Variants in ALB observed in about 807,000 individuals in gnomAD.
ALB encodes serum albumin.
A neutral mutation model predicts 74.5 loss-of-function variants in ALB; 37 were observed. The observed-to-expected ratio is 0.50, with a 90% CI of 0.38 to 0.65. The LOEUF (loss-of-function observed/expected upper bound fraction) is 0.65. Among genes scored for constraint, ALB ranks in the 30% least tolerant of loss-of-function variants. The pLI is 0.00. For synonymous variants in ALB, 249 were observed against 251.6 expected (o/e 0.99, Z 0.10); for missense variants, 685 against 718.7 (o/e 0.95, Z 0.54).
intron 2 of ALB, among the ~76,000 whole-genome samples, chr4:73,405,811 A>G (rs577908008): frequency 1.3e-5 from 2 of 151,982 alleles, no homozygotes; most frequent in Admixed American, 6.6e-5. Flanking sequence ...GATGGTCTCA[A>G]TCTCCTGACA....
In ALB at chr4:73,410,334, G is replaced by A. The variant is rs1223282480; in HGVS notation, c.638G>A (p.Gly213Glu). 3.7e-6 allele frequency: 6 copies of A among 1,613,620 alleles called. No homozygotes were observed. Among genetic ancestry groups the A allele is most frequent in the South Asian group, 2.2e-5 (2 of 91,056 alleles). The change falls in exon 6 of 15, where the codon GGG becomes GAG. Residue 213 changes from glycine (G) to glutamate (E), a missense_variant. Gly to Glu is a moderately conservative substitution (Grantham distance 98). Coordinates refer to ENST00000295897, the MANE Select transcript of ALB (RefSeq NM_000477.7). Reference protein sequence around the residue: ...LPKLDELRDEGKASSAKQRLK... With the variant: ...LPKLDELRDEEKASSAKQRLK... The stretch of plus-strand genomic sequence containing the variant: ...TAGCTCGATGAACTTCGGGATGAAG[G>A]GAAGGCTTCGTCTGCCAAACAGAGA...
intron 12 of ALB, 94 bp downstream of exon 12, chr4:73,418,405 T>G: frequency 9.1e-7 from 1 of 1,100,240 alleles, no homozygotes; most frequent in Non-Finnish European, 1.3e-6. Context: ...AGTGATTATA[T>G]TTCTTAGAGG....
intron 3 of ALB, among the ~76,000 whole-genome samples, chr4:73,407,794 A>G (rs1718769629): frequency 6.6e-6 from 1 of 152,204 alleles, no homozygotes; most frequent in African/African-American, 2.4e-5. Flanking sequence ...TCTTCAAAAC[A>G]AGGACAGGTT....
intron 7 of ALB, among the ~76,000 whole-genome samples, chr4:73,412,400 A>G (rs1022137069): frequency 6.6e-6 from 1 of 152,200 alleles, no homozygotes; most frequent in Non-Finnish European, 1.5e-5. Flanking sequence ...AACAGTTACA[A>G]GGTTTTACTT....
rs1383190524 is a variant in ALB, at chr4:73,419,565, G to A, written c.1711G>A (p.Val571Ile). ...PKATKEQLKA[V>I]MDDFAAFVEK... ...GGCAACAAAAGAGCAACTGAAAGCT[G>A]TTATGGATGATTTCGCAGCTTTTGT... Residue 571 changes from valine (V) to isoleucine (I), a missense_variant, in exon 13 of 15, where the codon GTT (valine) becomes ATT (isoleucine). Physicochemically the swap from Val to Ile is conservative, Grantham distance 29. Transcript: ENST00000295897. 6.2e-7 allele frequency: 1 copy of A among 1,613,694 alleles called. No homozygotes were observed. The highest frequency in any genetic ancestry group is 1.3e-5 in the African/African-American group (1 of 74,838).
At chr4:73,406,892 T>C (rs1718744164) in intron 3 of ALB, 131 bp downstream of exon 3, 2 of 1,029,982 alleles carry the variant, frequency 1.9e-6, no homozygotes. Context: ...AAAAAGTTGC[T>C]CATAGACTGA....
In ALB at chr4:73,409,515, A is replaced by G. The variant is rs765831928; in HGVS notation, c.615+28A>G. 4 of 1,613,542 alleles carry G rather than the reference A, an allele frequency of 2.5e-6. No homozygotes were observed. In the African/African-American group the frequency reaches 4.0e-5, roughly 16 times the overall value. On this transcript the variant is annotated intron_variant, in intron 5 of 14. Coordinates refer to ENST00000295897, the MANE Select transcript of ALB (RefSeq NM_000477.7). ...ATTATGCAAAAGAATAGAAAAAAAG[A>G]GTTCATTATCCAACCTGATTTTGTC...
At position 73,417,987 on chromosome 4, in the gene ALB, T is replaced by C. The variant is rs955968759; in HGVS notation, c.1429-101T>C. The C allele has an allele frequency of 4.6e-5, 51 of 1,105,088 alleles. No individual in the cohort carries two copies. The South Asian group carries it at 6.3e-4, about 14-fold the overall frequency. The allele number at this position is 1,105,088 out of a possible 1,614,324, so 68.5% of individuals were successfully genotyped here. ...CCTCAGCCTCCCAAGTAGCTGGGACTACAGGTGCATGCCACCATGCCTGGC... is the reference window on the plus strand; with the variant it reads ...CCTCAGCCTCCCAAGTAGCTGGGACCACAGGTGCATGCCACCATGCCTGGC... On this transcript the variant is annotated intron_variant, in intron 11 of 14. Transcript: ENST00000295897.
At position 73,404,475 on chromosome 4, in the gene ALB, C is replaced by T. The variant is rs1005433164; in HGVS notation, c.79+69C>T. 1.6e-5 allele frequency: 21 copies of T among 1,288,350 alleles called. No homozygotes were observed. In the African/African-American group the frequency reaches 2.9e-4, roughly 18 times the overall value. The allele number at this position is 1,288,350 out of a possible 1,614,324, so 79.8% of individuals were successfully genotyped here. On this transcript the variant is annotated intron_variant, in intron 1 of 14. Coordinates refer to ENST00000295897, the MANE Select transcript of ALB (RefSeq NM_000477.7). The stretch of plus-strand genomic sequence containing the variant: ...CCCAGTAAAATAAAGTTTTAGTAAA[C>T]TCTGCATCTTTAAAGAATTATTTTG...
At chr4:73,419,366 G>A in intron 12 of ALB, 141 bp from the exon 13 acceptor site, 1 of 853,318 alleles carries the variant, frequency 1.2e-6, no homozygotes, top group Admixed American at 2.7e-5. Context: ...CGGTATGCCT[G>A]AGCCCCAAAG....
chr4:73,412,440 A>C (rs953405857), intron 7 of ALB, among the ~76,000 whole-genome samples: 21 of 152,036 alleles, frequency 1.4e-4, no homozygotes, highest in African/African-American at 5.1e-4. Flanking sequence ...TAGATGTCTA[A>C]GAAGATTTTT....
Position 73,404,341 on chromosome 4 carries a change from C to T in ALB, c.14C>T (p.Thr5Ile), listed in dbSNP as rs1022250698. The change falls in exon 1 of 15, where the codon ACC becomes ATC. Residue 5 changes from threonine (T) to isoleucine (I), a missense_variant. Coordinates refer to ENST00000295897, the MANE Select transcript of ALB (RefSeq NM_000477.7). MKWV[T>I]FISLLFLFSS... The stretch of plus-strand genomic sequence containing the variant: ...GCCTTTGGCACAATGAAGTGGGTAA[C>T]CTTTATTTCCCTTCTTTTTCTCTTT... 1.2e-6 allele frequency: 2 copies of T among 1,613,632 alleles called. No homozygotes were observed. Among genetic ancestry groups the T allele is most frequent in the Non-Finnish European group, 1.7e-6 (2 of 1,179,692 alleles).
intron 10 of ALB, among the ~76,000 whole-genome samples, chr4:73,417,083 A>T (rs1577941094): frequency 6.6e-6 from 1 of 152,220 alleles, no homozygotes; most frequent in South Asian, 2.1e-4. Flanking sequence ...TTCTTAATAC[A>T]TGATTATTAT....
intron 3 of ALB, 101 bp downstream of exon 3, chr4:73,406,862 C>G: frequency 1.4e-6 from 2 of 1,397,014 alleles, no homozygotes; most frequent in Non-Finnish European, 2.0e-6. Flanking sequence ...TATTAAGTGT[C>G]CTGATTTGTA....
intron 4 of ALB, 165 bp from the exon 5 acceptor site, chr4:73,409,190 A>C: frequency 2.7e-6 from 2 of 753,822 alleles, no homozygotes; most frequent in Non-Finnish European, 4.3e-6. Context: ...TTTTTTCCAC[A>C]TACTTAAAGA....
intron 12 of ALB, chr4:73,419,306 A>G (rs1560385180): frequency 1.7e-6 from 1 of 593,312 alleles, no homozygotes; most frequent in Non-Finnish European, 2.9e-6. Flanking sequence ...ACTCCATGAA[A>G]GTGGATTTTA....
Position 73,417,781 on chromosome 4 carries a change from G to A in ALB, c.1428+112G>A, listed in dbSNP as rs1005163216. On this transcript the variant is annotated intron_variant, in intron 11 of 14. Coordinates refer to ENST00000295897, the MANE Select transcript of ALB (RefSeq NM_000477.7). ...AAGTAATGTGTGTGTGTGCATGTTTGTGTGCATGTGTGTGTGCATGCACGT... is the reference window on the plus strand; with the variant it reads ...AAGTAATGTGTGTGTGTGCATGTTTATGTGCATGTGTGTGTGCATGCACGT... The A allele has an allele frequency of 6.1e-6, 6 of 986,542 alleles. No homozygotes were observed. The African/African-American group carries it at 8.2e-5, about 14-fold the overall frequency. The allele number at this position is 986,542 out of a possible 1,614,324, so 61.1% of individuals were successfully genotyped here.
chr4:73,415,167 G>T lies in ALB; in HGVS notation c.1191G>T (p.Val397=). 6.2e-7 allele frequency: 1 copy of T among 1,614,020 alleles called. No individual in the cohort carries two copies. The highest frequency in any genetic ancestry group is 1.1e-5 in the South Asian group (1 of 91,070). The change falls in exon 9 of 15, where the codon GTG becomes GTT. Residue 397 remains valine, a splice_region_variant and synonymous_variant. Coordinates refer to ENST00000295897, the MANE Select transcript of ALB (RefSeq NM_000477.7). ...ATCCTCATGAATGCTATGCCAAAGTGGTAGGTTTATTGTTGGAAAAAAATG... is the reference window on the plus strand; with the variant it reads ...ATCCTCATGAATGCTATGCCAAAGTTGTAGGTTTATTGTTGGAAAAAAATG... The part of the protein sequence containing the change: ...AADPHECYAK[V]FDEFKPLVEE...
rs1718687832 is a variant in ALB, at chr4:73,405,159, A to T, written c.123A>T (p.Glu41Asp). ...ATCGGTTTAAAGATTTGGGAGAAGA[A>T]AATTTCAAAGCCTTGTAAGTTAAAA... is the stretch of plus-strand genomic sequence containing the variant. Reference protein sequence around the residue: ...VAHRFKDLGEENFKALVLIAF... With the variant: ...VAHRFKDLGEDNFKALVLIAF... Residue 41 changes from glutamate (E) to aspartate (D), a missense_variant, in exon 2 of 15, where the codon GAA becomes GAT. Transcript: ENST00000295897. The T allele has an allele frequency of 6.2e-7, 1 of 1,612,922 alleles. No homozygotes were observed. Among genetic ancestry groups the T allele is most frequent in the Admixed American group, 1.7e-5 (1 of 60,000 alleles).
Sources: gnomAD v4.1 joint callset for allele counts (sites outside exome capture counted in the v4.1 genomes callset) on GRCh38, gnomAD v4.1.1 for gene constraint, MANE v1.5 for transcripts, NCBI Gene and HGNC (gene_info 2026-07-23, HGNC 2026-07-21) for gene names.